Variants in CDH17 observed in about 807,000 individuals in gnomAD.
CDH17 encodes the protein cadherin-17.
CDH17 carries 67 observed loss-of-function variants against 86.3 expected under a neutral mutation model. That is an observed-to-expected ratio of 0.78 (90% confidence interval 0.64 to 0.95). The LOEUF (loss-of-function observed/expected upper bound fraction) is 0.95. Ranked by LOEUF, CDH17 falls within the 40% of genes least tolerant of loss-of-function variation. The pLI is 0.00. For missense variants in CDH17, 993 were observed against 1,017.6 expected (o/e 0.98, Z 0.33); for synonymous variants, 367 against 366.4 (o/e 1.00, Z -0.02).
chr8:94,190,256 T>G (rs1813661425), intron 2 of CDH17, among the ~76,000 whole-genome samples: 1 of 152,200 alleles, frequency 6.6e-6, no homozygotes, highest in Admixed American at 6.5e-5. Context: ...GAACCAGCCC[T>G]CTCAGCCTCT....
intron 13 of CDH17, among the ~76,000 whole-genome samples, chr8:94,150,026 T>C (rs1812828193): frequency 6.6e-6 from 1 of 152,152 alleles, no homozygotes. Context: ...TAATAAAAAA[T>C]ACTGGAAGCA....
intron 7 of CDH17, 135 bp downstream of exon 7, chr8:94,173,662 A>G: frequency 5.6e-6 from 4 of 718,832 alleles, no homozygotes; most frequent in Non-Finnish European, 9.7e-6. Context: ...GCCAGAGGCT[A>G]TATAATTTGC....
intron 5 of CDH17, among the ~76,000 whole-genome samples, chr8:94,175,646 C>T (rs756363351): frequency 3.9e-5 from 6 of 151,996 alleles, no homozygotes; most frequent in Non-Finnish European, 7.4e-5. Flanking sequence ...GACACACTCA[C>T]GCCTTAATGA....
intron 1 of CDH17, among the ~76,000 whole-genome samples, chr8:94,215,675 TAAAA>T (rs34170220): frequency 2.0e-5 from 3 of 152,120 alleles, no homozygotes; most frequent in Admixed American, 6.5e-5. Flanking sequence ...AAGCTGTTCT[TAAAA>T]AAAGTATTCC....
In CDH17 at chr8:94,146,066, A is replaced by C; in HGVS notation, c.2029T>G (p.Cys677Gly). The C allele has an allele frequency of 6.2e-7, 1 of 1,613,918 alleles. No individual in the cohort carries two copies. Among genetic ancestry groups the C allele is most frequent in the Non-Finnish European group, 8.5e-7 (1 of 1,179,896 alleles). ...LAKDYTGLFF[C>G]HPLSAPGSLI... ...CTTCCAGGTGCACTGAGGGGATGGC[A>C]GAAGAACAAGCCCGTGTAGTCCTTG... The change falls in exon 15 of 18, where the codon TGC becomes GGC. Residue 677 changes from cysteine to glycine, a missense_variant. By Grantham distance (159) the Cys-to-Gly change is radical. Transcript: ENST00000027335.
chr8:94,215,500 A>G (rs1563595797), intron 1 of CDH17, among the ~76,000 whole-genome samples: 1 of 152,312 alleles, frequency 6.6e-6, no homozygotes, highest in East Asian at 1.9e-4. Flanking sequence ...CAGAGGGGGA[A>G]TTTAGAGCTG....
Position 94,152,396 on chromosome 8 carries a change from T to C in CDH17, c.1552-284A>G, listed in dbSNP as rs372156130. Among the ~76,000 whole-genome samples, 101 of 152,328 alleles carry C rather than the reference T, an allele frequency of 6.6e-4. 2 individuals are homozygous for C. The South Asian group carries it at 0.019, about 28-fold the overall frequency. ...GCAATGATCTTTTTTTATTATTTTTTATTTTTGAGATGGAGCCTCATGCTC... is the reference window on the plus strand; with the variant it reads ...GCAATGATCTTTTTTTATTATTTTTCATTTTTGAGATGGAGCCTCATGCTC... On this transcript the variant is annotated intron_variant, in intron 12 of 17. Coordinates refer to ENST00000027335, the MANE Select transcript of CDH17 (RefSeq NM_004063.4).
chr8:94,151,452 T>C (rs1239818897), intron 13 of CDH17, among the ~76,000 whole-genome samples: 1 of 152,202 alleles, frequency 6.6e-6, no homozygotes, highest in Non-Finnish European at 1.5e-5. Context: ...GTTGGCATGG[T>C]CTGTCCAATT....
intron 16 of CDH17, 50 bp from the exon 17 acceptor site, chr8:94,130,789 G>T: frequency 6.5e-7 from 1 of 1,528,940 alleles, no homozygotes; most frequent in Non-Finnish European, 9.1e-7. Context: ...GTGAATAGTT[G>T]CAGAATCCCA....
At chr8:94,153,368 T>C (rs532539622) in intron 12 of CDH17, among the ~76,000 whole-genome samples, 1 of 152,228 alleles carries the variant, frequency 6.6e-6, no homozygotes, top group Admixed American at 6.5e-5. Context: ...AAAACAAACA[T>C]TGGTGAGGAT....
chr8:94,129,392 G>T (rs1379412848), intron 17 of CDH17, among the ~76,000 whole-genome samples: 1 of 152,074 alleles, frequency 6.6e-6, no homozygotes, highest in African/African-American at 2.4e-5. Context: ...GATGGGAAGT[G>T]GCCATGACAT....
intron 11 of CDH17, among the ~76,000 whole-genome samples, chr8:94,161,511 C>G (rs557159217): frequency 6.6e-6 from 1 of 152,158 alleles, no homozygotes; most frequent in Non-Finnish European, 1.5e-5. Flanking sequence ...AACGCCCTAT[C>G]GATGACAAGA....
chr8:94,196,052 A>G (rs4587298), intron 1 of CDH17, among the ~76,000 whole-genome samples: 57,518 of 151,972 alleles, frequency 0.38, 11,736 homozygotes, highest in Non-Finnish European at 0.48. Context: ...GAGCCACCAC[A>G]CCTGGCTGAG....
intron 15 of CDH17, among the ~76,000 whole-genome samples, chr8:94,137,469 C>G (rs950791481): frequency 1.3e-5 from 2 of 152,178 alleles, no homozygotes; most frequent in Admixed American, 6.5e-5. Flanking sequence ...GAATCTCCTT[C>G]TCTGCCAGTT....
chr8:94,193,314 G>T (rs1012046267), intron 2 of CDH17, among the ~76,000 whole-genome samples: 1 of 152,092 alleles, frequency 6.6e-6, no homozygotes, highest in Non-Finnish European at 1.5e-5. Context: ...GATGATAAAA[G>T]CACAGTCCAT....
In CDH17 at chr8:94,162,605, T is replaced by C. The variant is rs1288833041; in HGVS notation, c.1283-443A>G. Among the ~76,000 whole-genome samples, 4 of 152,298 alleles carry C rather than the reference T, an allele frequency of 2.6e-5. No individual in the cohort carries two copies. The East Asian group carries it at 5.8e-4, about 22-fold the overall frequency. ...CTGAACACATCCAACCTACATCTGC[T>C]CTGACTACTATGATGGTGAGGTCCA... On this transcript the variant is annotated intron_variant, in intron 10 of 17. Transcript: ENST00000027335.
At chr8:94,183,169 T>C (rs1563583046) in intron 3 of CDH17, among the ~76,000 whole-genome samples, 1 of 152,124 alleles carries the variant, frequency 6.6e-6, no homozygotes, top group Non-Finnish European at 1.5e-5. Flanking sequence ...GCTATTAAGA[T>C]GGCAATACTT....
chr8:94,139,461 A>G (rs1404311109), intron 15 of CDH17, among the ~76,000 whole-genome samples: 1 of 152,240 alleles, frequency 6.6e-6, no homozygotes, highest in Non-Finnish European at 1.5e-5. Context: ...CCTCAGATCC[A>G]AGATGATCAT....
intron 4 of CDH17, 109 bp downstream of exon 4, chr8:94,177,478 A>G: frequency 8.7e-7 from 1 of 1,145,362 alleles, no homozygotes; most frequent in Non-Finnish European, 1.3e-6. Flanking sequence ...TAATGTAAGG[A>G]AAGCTGTAAC....
Sources: gnomAD v4.1 joint callset for allele counts (sites outside exome capture counted in the v4.1 genomes callset) on GRCh38, gnomAD v4.1.1 for gene constraint, MANE v1.5 for transcripts, NCBI Gene and HGNC (gene_info 2026-07-23, HGNC 2026-07-21) for gene names.